The following ADGRG2 variants were observed in gnomAD, a reference collection of about 807,000 sequenced individuals.
ADGRG2 encodes the protein G protein-coupled receptor 64.
A neutral mutation model predicts 74.1 loss-of-function variants in ADGRG2; 26 were observed. The ratio of observed to expected loss-of-function variants is 0.35; its 90% CI spans 0.26 to 0.49. The LOEUF is 0.49. Among genes scored for constraint, ADGRG2 ranks in the 20% least tolerant of loss-of-function variants. ADGRG2 has a pLI of 0.99. For missense variants in ADGRG2, 619 were observed against 763.1 expected (o/e 0.81, Z 2.22); for synonymous variants, 296 against 295.2 (o/e 1.00, Z -0.03).
intron 23 of ADGRG2, among the ~76,000 whole-genome samples, chrX:19,003,930 T>A (rs1002175141): frequency 8.9e-6 from 1 of 112,283 alleles, no homozygotes; most frequent in African/African-American, 3.2e-5. Context: ...TGATGACATG[T>A]TCATGTTTAT....
In ADGRG2 at chrX:19,118,500, C is replaced by T. The variant is rs754301944; in HGVS notation, c.-47+3942G>A. 6.0e-4 allele frequency among the ~76,000 whole-genome samples: 67 copies of T among 112,314 alleles called. 1 individual carries two copies. Among genetic ancestry groups the T allele is most frequent in the South Asian group, 1.5e-3 (4 of 2,693 alleles). ...TCCCCGGCTGAAGAGATCCGTCTGC[C>T]TCAGCCTCCTGAGTAGCAAGGACTA... On this transcript the variant is annotated intron_variant, in intron 1 of 28. Transcript: ENST00000379869.
chrX:18,993,777 A>C (rs758638991), intron 28 of ADGRG2, among the ~76,000 whole-genome samples: 42 of 111,766 alleles, frequency 3.8e-4, no homozygotes, highest in Non-Finnish European at 7.5e-4. Context: ...CTTCTCACAA[A>C]TTTATTTGAG....
intron 1 of ADGRG2, among the ~76,000 whole-genome samples, chrX:19,093,652 C>T (rs935935752): frequency 1.1e-4 from 12 of 111,303 alleles, no homozygotes; most frequent in Admixed American, 9.6e-4. Context: ...AGGACTCCTC[C>T]TCCACCCCAA....
intron 1 of ADGRG2, among the ~76,000 whole-genome samples, chrX:19,107,770 AG>A (rs2062333351): frequency 1.8e-5 from 2 of 109,921 alleles, no homozygotes; most frequent in South Asian, 7.8e-4. Flanking sequence ...TAGTTGGTAA[AG>A]GAAAAAATCA....
intron 3 of ADGRG2, among the ~76,000 whole-genome samples, chrX:19,057,159 G>A (rs184370032): frequency 2.7e-5 from 3 of 111,429 alleles, no homozygotes; most frequent in East Asian, 5.7e-4. Flanking sequence ...AATTTGTAGA[G>A]GGCATTTTAA....
intron 3 of ADGRG2, among the ~76,000 whole-genome samples, chrX:19,059,782 A>G (rs1005135524): frequency 2.8e-4 from 30 of 108,546 alleles, no homozygotes; most frequent in African/African-American, 1.0e-3. Flanking sequence ...TAGTACCAGT[A>G]CTATGTAGTA....
chrX:19,100,865 C>T (rs771648731), intron 1 of ADGRG2, among the ~76,000 whole-genome samples: 5 of 113,143 alleles, frequency 4.4e-5, no homozygotes, highest in Non-Finnish European at 9.4e-5. Context: ...CATCTGAAAA[C>T]GGGAAGAAAA....
At chrX:19,022,705 A>T (rs7049724) in intron 13 of ADGRG2, among the ~76,000 whole-genome samples, 30,765 of 108,330 alleles carry the variant, frequency 0.28, 5,206 homozygotes, top group African/African-American at 0.61. Flanking sequence ...TTTAAAAAAA[A>T]TTTTTTTTTC....
rs199795489 is a variant in ADGRG2, at chrX:18,999,295, G to C, written c.2331-16C>G. On this transcript the variant is annotated splice_polypyrimidine_tract_variant and intron_variant, in intron 25 of 28. Transcript: ENST00000379869. Reference sequence around the variant, plus strand: ...GATCCAGCAGCTGGAGTTTGTGGAGGGGGGGAAACAGGGGAAAACATATTA... The same window carrying C: ...GATCCAGCAGCTGGAGTTTGTGGAGCGGGGGAAACAGGGGAAAACATATTA... 5 of 1,161,092 alleles carry C rather than the reference G, an allele frequency of 4.3e-6. No homozygotes were observed. In the South Asian group the frequency reaches 5.9e-5, roughly 14 times the overall value.
intron 1 of ADGRG2, among the ~76,000 whole-genome samples, chrX:19,112,147 T>C (rs981526798): frequency 7.2e-5 from 8 of 110,432 alleles, no homozygotes; most frequent in African/African-American, 2.6e-4. Context: ...TAATGGTTCA[T>C]TGCAACCTCG....
At chrX:19,087,238 C>G (rs1289473298) in intron 1 of ADGRG2, among the ~76,000 whole-genome samples, 3 of 112,195 alleles carry the variant, frequency 2.7e-5, no homozygotes, top group African/African-American at 9.7e-5. Context: ...TTCTGGAAAA[C>G]TAAAGATCAT....
intron 13 of ADGRG2, among the ~76,000 whole-genome samples, chrX:19,022,723 G>A (rs1257495591): frequency 9.0e-6 from 1 of 111,544 alleles, no homozygotes; most frequent in Non-Finnish European, 1.9e-5. Context: ...TTCAGACAAA[G>A]TCTCACTCTG....
intron 1 of ADGRG2, among the ~76,000 whole-genome samples, chrX:19,098,194 G>A (rs1235414282): frequency 9.0e-6 from 1 of 111,552 alleles, no homozygotes; most frequent in South Asian, 3.8e-4. Flanking sequence ...TCTAGAGATG[G>A]GACTAGGCTA....
At chrX:19,082,303 G>A (rs1201963759) in intron 2 of ADGRG2, among the ~76,000 whole-genome samples, 2 of 110,442 alleles carry the variant, frequency 1.8e-5, no homozygotes, top group Non-Finnish European at 3.8e-5. Flanking sequence ...AAAGCTGTTA[G>A]AGCCAAGGGA....
intron 1 of ADGRG2, among the ~76,000 whole-genome samples, chrX:19,110,718 A>C (rs192508981): frequency 1.8e-3 from 195 of 108,734 alleles, no homozygotes; most frequent in South Asian, 9.9e-3. Flanking sequence ...AAAAAAAAAA[A>C]CAAAAAAACA....
At chrX:19,054,665 T>A (rs1454790321) in intron 3 of ADGRG2, among the ~76,000 whole-genome samples, 1 of 112,358 alleles carries the variant, frequency 8.9e-6, no homozygotes, top group Non-Finnish European at 1.9e-5. Context: ...GATAGAAAAT[T>A]GAGCTCATTA....
intron 26 of ADGRG2, among the ~76,000 whole-genome samples, chrX:18,998,085 T>C (rs1241099991): frequency 8.9e-6 from 1 of 112,343 alleles, no homozygotes; most frequent in Non-Finnish European, 1.9e-5. Context: ...CATTAACCAA[T>C]GGGAAACCTA....
At chrX:19,028,992 A>T (rs1385612214) in intron 9 of ADGRG2, among the ~76,000 whole-genome samples, 1 of 112,065 alleles carries the variant, frequency 8.9e-6, no homozygotes, top group Non-Finnish European at 1.9e-5. Context: ...CTGTGTTCCA[A>T]TAAAACTTTA....
chrX:19,055,951 C>A (rs1162991272), intron 3 of ADGRG2, among the ~76,000 whole-genome samples: 3 of 109,956 alleles, frequency 2.7e-5, no homozygotes, highest in Admixed American at 1.9e-4. Flanking sequence ...CCAGGCTGGT[C>A]TCGAACCCCT....
Sources: allele counts gnomAD v4.1 joint callset (sites outside exome capture counted in the v4.1 genomes callset), GRCh38; gene constraint gnomAD v4.1.1; transcripts MANE v1.5; gene names NCBI Gene and HGNC (gene_info 2026-07-23, HGNC 2026-07-21).